TRPV4: variants seen among roughly 807,000 people sequenced by gnomAD.
TRPV4 encodes transient receptor potential cation channel subfamily V member 4, also known as OSM9-like transient receptor potential channel 4.
Under a neutral mutation model 84.1 loss-of-function variants are expected in TRPV4, and 58 were observed. The ratio of observed to expected loss-of-function variants is 0.69; its 90% CI spans 0.56 to 0.86. TRPV4 has a LOEUF of 0.86. TRPV4 is among the 40% of genes least tolerant of loss of function. TRPV4 has a pLI of 0.00. For missense variants in TRPV4, 879 were observed against 1,181.1 expected (o/e 0.74, Z 3.75); for synonymous variants, 489 against 500.9 (o/e 0.98, Z 0.32).
intron 2 of TRPV4, among the ~76,000 whole-genome samples, chr12:109,812,467 G>A (rs745797141): frequency 2.0e-5 from 3 of 152,254 alleles, no homozygotes; most frequent in Admixed American, 6.5e-5. Context: ...CCCAGGAGGG[G>A]CAGCTGGATG....
intron 5 of TRPV4, 110 bp downstream of exon 5, chr12:109,800,508 G>A (rs865910721): frequency 2.1e-6 from 3 of 1,397,540 alleles, no homozygotes; most frequent in Non-Finnish European, 3.0e-6. Flanking sequence ...TGGCCAGAGT[G>A]GCCCTGGGTG....
At chr12:109,810,971 T>C (rs1891479745) in intron 2 of TRPV4, among the ~76,000 whole-genome samples, 1 of 151,894 alleles carries the variant, frequency 6.6e-6, no homozygotes, top group Admixed American at 6.6e-5. Flanking sequence ...TGAGCAGAGG[T>C]TGTACAGATT....
At chr12:109,818,782 C>A (rs1891970711) in intron 1 of TRPV4, among the ~76,000 whole-genome samples, 1 of 152,178 alleles carries the variant, frequency 6.6e-6, no homozygotes, top group African/African-American at 2.4e-5. Flanking sequence ...TACCTGTCCT[C>A]CTTACTCCCC....
Position 109,798,835 on chromosome 12 carries a change from T to A in TRPV4, c.931A>T (p.Lys311Ter). ...VNYLTENPHK[K>*]ADMRRQDSRG... ...GAGTCCTGGCGCCGCATGTCCGCCT[T>A]CTTGTGGGGGTTCTCCGTCAGGTAG... The change falls in exon 6 of 16, where the codon AAG becomes TAG. Residue 311 changes from lysine (K) to a stop codon, truncating the protein, a stop_gained. Coordinates refer to ENST00000261740, the MANE Select transcript of TRPV4 (RefSeq NM_021625.5). LOFTEE classifies it high-confidence loss of function. The surrounding 1 kb of genome is among the most constrained non-coding windows in gnomAD (Gnocchi z 5.0). 6.2e-7 allele frequency: 1 copy of A among 1,614,094 alleles called. No individual in the cohort carries two copies. Among genetic ancestry groups the A allele is most frequent in the Non-Finnish European group, 8.5e-7 (1 of 1,180,022 alleles).
rs766655934 is a variant in TRPV4 at position 109,798,604 on chromosome 12, G to C, written c.1152+10C>G. ...AGGTGGATCAGCTGTGCCCCCAGCC[G>C]CACACTCACCCCAATCTTGCCCGTC... is the stretch of plus-strand genomic sequence containing the variant. On this transcript the variant is annotated intron_variant, in intron 6 of 15. Coordinates refer to ENST00000261740, the MANE Select transcript of TRPV4 (RefSeq NM_021625.5). The surrounding 1 kb of genome is among the most constrained non-coding windows in gnomAD (Gnocchi z 5.0). The C allele has an allele frequency of 6.2e-7, 1 of 1,609,624 alleles. No individual in the cohort carries two copies. Among genetic ancestry groups the C allele is most frequent in the Non-Finnish European group, 8.5e-7 (1 of 1,180,000 alleles).
At position 109,786,952 on chromosome 12, in the gene TRPV4, C is replaced by T. The variant is rs1048737122; in HGVS notation, c.2209-115G>A. On this transcript the variant is annotated intron_variant, in intron 13 of 15. Coordinates refer to ENST00000261740, the MANE Select transcript of TRPV4 (RefSeq NM_021625.5). The surrounding 1 kb of genome is among the most constrained non-coding windows in gnomAD (Gnocchi z 4.5). ...GTGGGCCCAGAACTAGGCATTTAGA[C>T]TCCTACTCCCCACTAGACACAGGGT... 2.1e-6 allele frequency: 3 copies of T among 1,415,526 alleles called. No homozygotes were observed. The highest frequency in any genetic ancestry group is 1.9e-5 in the Admixed American group (1 of 53,112). The allele number at this position is 1,415,526 out of a possible 1,614,324, so 87.7% of individuals were successfully genotyped here.
chr12:109,787,768 C>G (rs928320411), intron 13 of TRPV4, among the ~76,000 whole-genome samples: 1 of 152,158 alleles, frequency 6.6e-6, no homozygotes, highest in Non-Finnish European at 1.5e-5. Context: ...AAGGTAAACA[C>G]GGGTGCTGTA....
intron 7 of TRPV4, 59 bp from the exon 8 acceptor site, chr12:109,794,546 G>A (rs1466003077): frequency 1.7e-5 from 27 of 1,590,320 alleles, no homozygotes; most frequent in Non-Finnish European, 2.3e-5. Flanking sequence ...GGTCCAGGCA[G>A]GCTGCCTCGG....
At chr12:109,802,458 C>T (rs972698963) in intron 4 of TRPV4, among the ~76,000 whole-genome samples, 6 of 151,862 alleles carry the variant, frequency 4.0e-5, no homozygotes, top group South Asian at 2.1e-4. Context: ...CGCACCACCA[C>T]GCCTGGCTAA....
Position 109,798,916 on chromosome 12 carries a change from C to T in TRPV4, c.854-4G>A, listed in dbSNP as rs371733585. ...GCCAGCGACAGGGGCAGCTCCCCTGCGGGCCAGGGTGAAGGGTGGGAGGTC... is the reference window on the plus strand; with the variant it reads ...GCCAGCGACAGGGGCAGCTCCCCTGTGGGCCAGGGTGAAGGGTGGGAGGTC... On this transcript the variant is annotated splice_region_variant and splice_polypyrimidine_tract_variant and intron_variant, in intron 5 of 15. Coordinates refer to ENST00000261740, the MANE Select transcript of TRPV4 (RefSeq NM_021625.5). The surrounding 1 kb of genome is among the most constrained non-coding windows in gnomAD (Gnocchi z 5.0). The T allele has an allele frequency of 1.4e-3, 2,305 of 1,608,064 alleles. 2 individuals are homozygous for T. Among genetic ancestry groups the T allele is most frequent in the Non-Finnish European group, 1.7e-3 (2,049 of 1,176,854 alleles).
At chr12:109,802,042 A>G (rs537588974) in intron 4 of TRPV4, among the ~76,000 whole-genome samples, 2 of 151,848 alleles carry the variant, frequency 1.3e-5, no homozygotes, top group South Asian at 2.1e-4. Flanking sequence ...ATTATCATAG[A>G]GCCTTAGAGT....
At chr12:109,799,209 G>T (rs1890622406) in intron 5 of TRPV4, among the ~76,000 whole-genome samples, 2 of 150,738 alleles carry the variant, frequency 1.3e-5, no homozygotes, top group South Asian at 4.2e-4. Flanking sequence ...CTGGAGTGCA[G>T]TGGCACAATC....
chr12:109,828,221 G>A (rs905386277), intron 1 of TRPV4, among the ~76,000 whole-genome samples: 4 of 152,296 alleles, frequency 2.6e-5, no homozygotes, highest in East Asian at 1.9e-4. Context: ...TCTGGAGACC[G>A]GCAAGGGCTT....
chr12:109,800,419 G>A (rs1890699072), intron 5 of TRPV4, among the ~76,000 whole-genome samples, 199 bp downstream of exon 5: 1 of 95,006 alleles, frequency 1.1e-5, no homozygotes, highest in South Asian at 4.6e-4. Context: ...TACTCCCCAT[G>A]GCACTTACAC....
At chr12:109,792,468 C>T in intron 11 of TRPV4, 39 bp from the exon 12 acceptor site, 5 of 1,602,036 alleles carry the variant, frequency 3.1e-6, no homozygotes, top group Non-Finnish European at 4.3e-6. Flanking sequence ...AAAGAGGAGA[C>T]ACATGGTTTC....
chr12:109,805,691 CA>C (rs1417262198), intron 3 of TRPV4, among the ~76,000 whole-genome samples: 1 of 152,154 alleles, frequency 6.6e-6, no homozygotes, highest in African/African-American at 2.4e-5. Context: ...GGGCCTTAGC[CA>C]GGGGCCCTGG....
intron 1 of TRPV4, among the ~76,000 whole-genome samples, chr12:109,820,985 G>A (rs759209050): frequency 6.6e-6 from 1 of 152,210 alleles, no homozygotes; most frequent in African/African-American, 2.4e-5. Flanking sequence ...CTCTGGCTCC[G>A]TCCCCATGCC....
intron 1 of TRPV4, among the ~76,000 whole-genome samples, chr12:109,825,696 C>A (rs1892233316): frequency 1.3e-5 from 2 of 152,150 alleles, no homozygotes; most frequent in Non-Finnish European, 2.9e-5. Context: ...GACTAAGGAC[C>A]AGAAGGGACA....
chr12:109,802,622 T>TTTA lies in TRPV4; in HGVS notation c.712+368_712+369insTAA, dbSNP rs1555208565. 6.0e-5 allele frequency among the ~76,000 whole-genome samples: 9 copies of TTTA among 150,708 alleles called. No individual in the cohort carries two copies. The East Asian group carries it at 1.8e-3, about 29-fold the overall frequency. On this transcript the variant is annotated intron_variant, in intron 4 of 15. Transcript: ENST00000261740. The stretch of plus-strand genomic sequence containing the variant: ...TGGCCTTCTTTTATTTTATTTTTTT[T>TTTA]TTTTTGTATCTTTTGTCAAGACAGG...
Sources: gnomAD v4.1 joint callset for allele counts (sites outside exome capture counted in the v4.1 genomes callset) on GRCh38, gnomAD v4.1.1 for gene constraint, Gnocchi (gnomAD v3.1) non-coding constraint, MANE v1.5 for transcripts, NCBI Gene and HGNC (gene_info 2026-07-23, HGNC 2026-07-21) for gene names.